Variants in STXBP5L observed in about 807,000 individuals in gnomAD.
STXBP5L encodes the protein syntaxin-binding protein 5-like.
A neutral mutation model predicts 144.5 loss-of-function variants in STXBP5L; 65 were observed. The observed-to-expected ratio is 0.45, with a 90% CI of 0.37 to 0.55. The LOEUF is 0.55. STXBP5L is among the 20% of genes least tolerant of loss of function. The pLI is 0.00. For synonymous variants in STXBP5L, 505 were observed against 469.6 expected (o/e 1.08, Z -0.97); for missense variants, 1,298 against 1,405.5 (o/e 0.92, Z 1.22).
intron 2 of STXBP5L, among the ~76,000 whole-genome samples, chr3:120,943,006 T>C (rs1450053709): frequency 6.6e-6 from 1 of 151,768 alleles, no homozygotes; most frequent in African/African-American, 2.4e-5. Flanking sequence ...GATTAATGAA[T>C]AATGTCAATA....
At chr3:121,417,882 C>T (rs1287967869) in intron 25 of STXBP5L, among the ~76,000 whole-genome samples, 1 of 151,170 alleles carries the variant, frequency 6.6e-6, no homozygotes, top group Admixed American at 6.6e-5. Context: ...TCAGTATTTA[C>T]AGAGAGAGAG....
intron 9 of STXBP5L, among the ~76,000 whole-genome samples, chr3:121,179,515 T>C (rs544377071): frequency 6.6e-6 from 1 of 152,096 alleles, no homozygotes; most frequent in African/African-American, 2.4e-5. Flanking sequence ...TCTGATAATA[T>C]GACAAAACAG....
intron 20 of STXBP5L, among the ~76,000 whole-genome samples, chr3:121,325,268 A>G (rs899983517): frequency 6.6e-6 from 1 of 152,130 alleles, no homozygotes; most frequent in African/African-American, 2.4e-5. Context: ...AAATAAAGTC[A>G]GTAGCCAAGG....
chr3:121,110,515 G>A (rs1411686206), intron 5 of STXBP5L, among the ~76,000 whole-genome samples: 2 of 152,086 alleles, frequency 1.3e-5, no homozygotes, highest in East Asian at 1.9e-4. Flanking sequence ...TGAAATTCTG[G>A]GTTGAGTATT....
chr3:120,929,368 G>A (rs1457709999), intron 2 of STXBP5L, among the ~76,000 whole-genome samples: 3 of 152,022 alleles, frequency 2.0e-5, no homozygotes, highest in Non-Finnish European at 4.4e-5. Context: ...TGTATAGTCA[G>A]TCTCTTGGTT....
chr3:121,404,783 G>A (rs951959636), intron 22 of STXBP5L, among the ~76,000 whole-genome samples: 3 of 152,058 alleles, frequency 2.0e-5, no homozygotes, highest in Non-Finnish European at 2.9e-5. Flanking sequence ...ATTTTGTGCT[G>A]GTTTCCTGAA....
chr3:121,001,210 C>A (rs1380679687), intron 3 of STXBP5L, among the ~76,000 whole-genome samples: 2 of 152,164 alleles, frequency 1.3e-5, no homozygotes, highest in Non-Finnish European at 2.9e-5. Context: ...TGCATGCTGG[C>A]AAGGCCCATG....
chr3:121,392,485 G>A (rs1457012764), intron 22 of STXBP5L, among the ~76,000 whole-genome samples: 7 of 152,208 alleles, frequency 4.6e-5, no homozygotes, highest in Admixed American at 6.5e-5. Context: ...CTTCTGCATC[G>A]ATTACACTGG....
chr3:121,158,234 A>T lies in STXBP5L; in HGVS notation c.877+607A>T, dbSNP rs1200767223. ...AAGCAATTCAAATGTATAAATATAT[A>T]TAATTCAGATGACTAAATTATTTGA... On this transcript the variant is annotated intron_variant, in intron 9 of 26. Transcript: ENST00000471454. 3.3e-5 allele frequency: 5 copies of T among 152,238 alleles called. No homozygotes were observed. In the East Asian group the frequency reaches 9.6e-4, roughly 29 times the overall value. 9.4% of individuals were successfully genotyped at this position (152,238 alleles called of 1,614,324 possible). A position where few individuals can be genotyped will look rare whatever the true frequency, so the allele number is the denominator to read the frequency against.
At chr3:121,038,639 C>T (rs1946927241) in intron 3 of STXBP5L, among the ~76,000 whole-genome samples, 2 of 151,724 alleles carry the variant, frequency 1.3e-5, no homozygotes, top group Non-Finnish European at 2.9e-5. Context: ...TTACTTATGT[C>T]TTCTTCATTT....
chr3:121,036,795 TATACTC>T (rs1560036735), intron 3 of STXBP5L, among the ~76,000 whole-genome samples: 2 of 122,820 alleles, frequency 1.6e-5, no homozygotes, highest in African/African-American at 7.1e-5. Context: ...TTTTTTTTAT[TATACTC>T]TAAGTTTTAG....
At chr3:121,180,556 C>G (rs1292415194) in intron 9 of STXBP5L, among the ~76,000 whole-genome samples, 1 of 152,132 alleles carries the variant, frequency 6.6e-6, no homozygotes, top group Non-Finnish European at 1.5e-5. Context: ...TGTATTTAGG[C>G]AATAACTTAC....
chr3:120,953,054 C>T (rs980010722), intron 2 of STXBP5L, among the ~76,000 whole-genome samples: 1 of 151,892 alleles, frequency 6.6e-6, no homozygotes, highest in African/African-American at 2.4e-5. Flanking sequence ...CCTGCCTTGA[C>T]CTCCCAAAGT....
chr3:121,341,503 A>C (rs1454322108), intron 20 of STXBP5L, among the ~76,000 whole-genome samples: 1 of 152,188 alleles, frequency 6.6e-6, no homozygotes, highest in Non-Finnish European at 1.5e-5. Context: ...TGATACAGCA[A>C]TCCCACTACC....
At chr3:120,942,655 C>G (rs1710628802) in intron 2 of STXBP5L, among the ~76,000 whole-genome samples, 1 of 150,834 alleles carries the variant, frequency 6.6e-6, no homozygotes, top group South Asian at 2.1e-4. Context: ...AATCTTCTAC[C>G]TAGATAATTT....
intron 20 of STXBP5L, among the ~76,000 whole-genome samples, chr3:121,358,833 A>G (rs559705627): frequency 5.3e-5 from 8 of 152,224 alleles, no homozygotes; most frequent in Non-Finnish European, 8.8e-5. Flanking sequence ...ATTCTTTGAT[A>G]TGATTGAATA....
rs571074115 is a variant in STXBP5L, at chr3:121,119,813, G to GTT, written c.606-1827_606-1826dup. ...CCTTTTTCCTCTTCACTTTTGATGTGTTCTATGTTTGTTTAAGATAGTAAA... is the reference window on the plus strand; with the variant it reads ...CCTTTTTCCTCTTCACTTTTGATGTGTTTTCTATGTTTGTTTAAGATAGTAAA... On this transcript the variant is annotated intron_variant, in intron 6 of 26. Coordinates refer to ENST00000471454, the MANE Select transcript of STXBP5L (RefSeq NM_001308330.2). Among the ~76,000 whole-genome samples the GTT allele has an allele frequency of 6.8e-3, 1,036 of 151,372 alleles. 6 individuals are homozygous for GTT. Among genetic ancestry groups the GTT allele is most frequent in the Non-Finnish European group, 0.012 (786 of 67,376 alleles).
intron 7 of STXBP5L, among the ~76,000 whole-genome samples, chr3:121,126,911 A>G (rs1007195893): frequency 6.6e-6 from 1 of 152,176 alleles, no homozygotes; most frequent in Non-Finnish European, 1.5e-5. Flanking sequence ...CCAACAGCAT[A>G]GTATCTCTCT....
chr3:120,982,518 C>T (rs1037739787), intron 3 of STXBP5L, among the ~76,000 whole-genome samples: 4 of 152,154 alleles, frequency 2.6e-5, no homozygotes, highest in Admixed American at 2.6e-4. Context: ...GCTCATGACT[C>T]TCAGTTTAGT....
Sources: gnomAD v4.1 joint callset for allele counts (sites outside exome capture counted in the v4.1 genomes callset) on GRCh38, gnomAD v4.1.1 for gene constraint, MANE v1.5 for transcripts, NCBI Gene and HGNC (gene_info 2026-07-23, HGNC 2026-07-21) for gene names.